SLC71A2: variants seen among roughly 807,000 people sequenced by gnomAD.
SLC71A2 encodes the protein hippocampus abundant transcript-like 1.
chr9:94,458,726 G>C, the SLC71A2 span, among the ~76,000 whole-genome samples: 1 of 152,106 alleles, frequency 6.6e-6, no homozygotes, highest in African/African-American at 2.4e-5. Context: ...GATAAGCCCA[G>C]GCTAGTTAAA....
At chr9:94,439,309 ATTT>A in the SLC71A2 span, among the ~76,000 whole-genome samples, 32 of 146,390 alleles carry the variant, frequency 2.2e-4, no homozygotes, top group South Asian at 2.8e-3. Flanking sequence ...GCGCAGCCCA[ATTT>A]TTTTTTTTTT....
chr9:94,420,251 T>C, the SLC71A2 span, among the ~76,000 whole-genome samples: 1 of 152,182 alleles, frequency 6.6e-6, no homozygotes, highest in Admixed American at 6.6e-5. Context: ...CCTAACCCAC[T>C]AGTCTTCCGT....
chr9:94,415,445 A>T, the SLC71A2 span, among the ~76,000 whole-genome samples: 1 of 151,610 alleles, frequency 6.6e-6, no homozygotes, highest in East Asian at 1.9e-4. Flanking sequence ...CTCTTTAAAT[A>T]TTCCTGGGTA....
At chr9:94,453,112 T>C in the SLC71A2 span, among the ~76,000 whole-genome samples, 3 of 152,096 alleles carry the variant, frequency 2.0e-5, no homozygotes, top group Admixed American at 6.6e-5. Context: ...GTTGATCATT[T>C]TGGTTTTTTA....
At chr9:94,383,132 T>C in the SLC71A2 span, among the ~76,000 whole-genome samples, 1 of 151,640 alleles carries the variant, frequency 6.6e-6, no homozygotes, top group Non-Finnish European at 1.5e-5. Flanking sequence ...CTGAAAAATA[T>C]GTTTTTATTC....
At chr9:94,427,408 T>TACATGAGATCTATTTAGTGTGCA in the SLC71A2 span, among the ~76,000 whole-genome samples, 1 of 151,952 alleles carries the variant, frequency 6.6e-6, no homozygotes, top group African/African-American at 2.4e-5. Flanking sequence ...GGTCAGAAAT[T>TACATGAGATCTATTTAGTGTGCA]ACATGAGATC....
chr9:94,382,770 G>A, the SLC71A2 span, among the ~76,000 whole-genome samples: 1 of 151,882 alleles, frequency 6.6e-6, no homozygotes, highest in African/African-American at 2.4e-5. Context: ...TCTGCCTCCC[G>A]GGTTCCAGCG....
At chr9:94,415,115 C>T in the SLC71A2 span, 1 of 1,425,048 alleles carries the variant, frequency 7.0e-7, no homozygotes, top group South Asian at 1.2e-5. Context: ...TAATAGATTT[C>T]TTATATTTCT....
At chr9:94,388,857 A>T in the SLC71A2 span, among the ~76,000 whole-genome samples, 12 of 152,360 alleles carry the variant, frequency 7.9e-5, no homozygotes, top group African/African-American at 2.6e-4. Context: ...AGTGGAAAGG[A>T]TACATGAATA....
chr9:94,386,575 C>T, the SLC71A2 span, among the ~76,000 whole-genome samples: 1 of 152,144 alleles, frequency 6.6e-6, no homozygotes, highest in African/African-American at 2.4e-5. Flanking sequence ...TTCTGCAGAT[C>T]TCTGGGCTTC....
At chr9:94,383,761 T>C in the SLC71A2 span, among the ~76,000 whole-genome samples, 1 of 152,026 alleles carries the variant, frequency 6.6e-6, no homozygotes, top group South Asian at 2.1e-4. Flanking sequence ...TCAAGTCTTC[T>C]GATGCATGAA....
the SLC71A2 span, among the ~76,000 whole-genome samples, chr9:94,449,206 C>T: frequency 6.6e-6 from 1 of 152,180 alleles, no homozygotes; most frequent in Admixed American, 6.5e-5. Context: ...CATGTCACCA[C>T]CACCACCAAT....
chr9:94,392,850 C>G, the SLC71A2 span, among the ~76,000 whole-genome samples: 8 of 151,436 alleles, frequency 5.3e-5, no homozygotes, highest in Admixed American at 3.3e-4. Flanking sequence ...AGTATTTCCT[C>G]CCAATTAAGG....
At chr9:94,388,953 C>T in the SLC71A2 span, among the ~76,000 whole-genome samples, 1 of 152,166 alleles carries the variant, frequency 6.6e-6, no homozygotes, top group Non-Finnish European at 1.5e-5. Flanking sequence ...GTTTTCTGAC[C>T]TATCTTCCGT....
chr9:94,391,464 G>T, the SLC71A2 span, among the ~76,000 whole-genome samples: 1 of 151,638 alleles, frequency 6.6e-6, no homozygotes. Flanking sequence ...ATGAGAAAAT[G>T]TAATCAGGTA....
the SLC71A2 span, among the ~76,000 whole-genome samples, chr9:94,458,160 A>G: frequency 6.6e-6 from 1 of 151,982 alleles, no homozygotes; most frequent in South Asian, 2.1e-4. Context: ...ATTTTATTTT[A>G]TAATGGATAA....
chr9:94,410,298 G>A, the SLC71A2 span, among the ~76,000 whole-genome samples: 1 of 152,016 alleles, frequency 6.6e-6, no homozygotes, highest in African/African-American at 2.4e-5. Context: ...GTCTCACTGT[G>A]TTGTCTATAC....
chr9:94,417,265 T>C, the SLC71A2 span, among the ~76,000 whole-genome samples: 1 of 152,202 alleles, frequency 6.6e-6, no homozygotes, highest in African/African-American at 2.4e-5. Flanking sequence ...TCAGTAGTAT[T>C]AGATACATTT....
the SLC71A2 span, among the ~76,000 whole-genome samples, chr9:94,421,461 G>A: frequency 6.6e-6 from 1 of 152,122 alleles, no homozygotes; most frequent in African/African-American, 2.4e-5. Context: ...TATACTCTTT[G>A]TTGTCTGGCT....
Sources: allele counts gnomAD v4.1 joint callset (sites outside exome capture counted in the v4.1 genomes callset), GRCh38; gene constraint gnomAD v4.1.1; transcripts MANE v1.5; gene names NCBI Gene and HGNC (gene_info 2026-07-23, HGNC 2026-07-21).